CMIP: variants seen among roughly 807,000 people sequenced by gnomAD.
CMIP encodes C-Maf-inducing protein.
In CMIP, 13 loss-of-function variants were observed where a neutral mutation model predicts 97.3. The observed-to-expected ratio is 0.13, with a 90% CI of 0.09 to 0.21. The LOEUF is 0.21. CMIP is among the 10% of genes least tolerant of loss of function. CMIP has a pLI of 1.00. For synonymous variants in CMIP, 538 were observed against 436.3 expected, an observed-to-expected ratio of 1.23 and a Z score of -2.91; for missense variants, 847 against 1,024.9, an observed-to-expected ratio of 0.83 and a Z score of 2.37.
intron 3 of CMIP, among the ~76,000 whole-genome samples, chr16:81,635,631 C>T (rs2092224177): frequency 6.6e-6 from 1 of 152,210 alleles, no homozygotes; most frequent in African/African-American, 2.4e-5. Flanking sequence ...TGAAAGTCTG[C>T]TGCCAGACAA....
chr16:81,602,241 T>C (rs188000577), intron 1 of CMIP, among the ~76,000 whole-genome samples: 1 of 151,544 alleles, frequency 6.6e-6, no homozygotes, highest in Admixed American at 6.6e-5. Flanking sequence ...CTATGTGCGA[T>C]AATGTGGGGA....
rs1263755011 is a variant in CMIP at position 81,678,587 on chromosome 16, C to T, written c.1347C>T (p.Ala449=). The change falls in exon 10 of 21, where the codon GCC becomes GCT. Residue 449 remains alanine (A), a synonymous_variant. Coordinates refer to ENST00000537098, the MANE Select transcript of CMIP (RefSeq NM_198390.3). ...TGAGCATCGAGCTGGGCCCCCAGGC[C>T]GACCGCACGCTCGGCTGCTACGTGG... ...STMSIELGPQ[A]DRTLGCYVEI... is the part of the protein sequence containing the mutation. 6 of 1,602,380 alleles carry T rather than the reference C, an allele frequency of 3.7e-6. No individual in the cohort carries two copies. The highest frequency in any genetic ancestry group is 1.7e-4 in the Middle Eastern group (1 of 6,012).
intron 1 of CMIP, among the ~76,000 whole-genome samples, chr16:81,571,717 G>T (rs2091093118): frequency 6.6e-6 from 1 of 152,140 alleles, no homozygotes; most frequent in Non-Finnish European, 1.5e-5. Flanking sequence ...GTAGGACATG[G>T]CTTAGTGAGC....
Position 81,705,508 on chromosome 16 carries a change from G to T in CMIP, c.2101G>T (p.Ala701Ser), listed in dbSNP as rs1345818630. The change falls in exon 19 of 21, where the codon GCT (alanine) becomes TCT (serine). Residue 701 changes from alanine to serine, a missense_variant. By Grantham distance (99) the Ala-to-Ser change is moderately conservative (BLOSUM62 1). This residue lies in a region of CMIP where 266 missense variants were observed against 384.2 expected (regional missense o/e 0.69). Coordinates refer to ENST00000537098, the MANE Select transcript of CMIP (RefSeq NM_198390.3). ...TTTCTGTGCTCTACAGTTTGGAGACGCTGGCCTTCGGCTCCTGTCGGAACA... is the reference window on the plus strand; with the variant it reads ...TTTCTGTGCTCTACAGTTTGGAGACTCTGGCCTTCGGCTCCTGTCGGAACA... The part of the protein sequence containing the change: ...LNLWSTQFGD[A>S]GLRLLSEHLT... 6.2e-7 allele frequency: 1 copy of T among 1,602,768 alleles called. No individual in the cohort carries two copies. Among genetic ancestry groups the T allele is most frequent in the Non-Finnish European group, 8.5e-7 (1 of 1,175,120 alleles).
At chr16:81,607,918 G>T (rs1168560818) in intron 2 of CMIP, among the ~76,000 whole-genome samples, 3 of 152,172 alleles carry the variant, frequency 2.0e-5, no homozygotes, top group African/African-American at 7.2e-5. Flanking sequence ...TGCAGTCTAG[G>T]AACTTTTCAG....
At chr16:81,686,462 G>A (rs149786092) in intron 10 of CMIP, among the ~76,000 whole-genome samples, 27 of 152,330 alleles carry the variant, frequency 1.8e-4, no homozygotes, top group Non-Finnish European at 3.1e-4. Context: ...CCTCCCAGGC[G>A]TGGAGTTCAG....
chr16:81,704,226 C>G, intron 18 of CMIP, 141 bp downstream of exon 18: 1 of 558,760 alleles, frequency 1.8e-6, no homozygotes, highest in Admixed American at 2.8e-5. Context: ...CCTCCCCCTC[C>G]TCCCTGCCCC....
At chr16:81,600,723 A>C (rs1434332032) in intron 1 of CMIP, among the ~76,000 whole-genome samples, 1 of 152,162 alleles carries the variant, frequency 6.6e-6, no homozygotes, top group Non-Finnish European at 1.5e-5. Context: ...TTAAGTGATT[A>C]ATGGTTAGTT....
intron 3 of CMIP, among the ~76,000 whole-genome samples, chr16:81,649,077 C>G (rs561071825): frequency 3.3e-5 from 5 of 152,322 alleles, no homozygotes; most frequent in Admixed American, 3.3e-4. Context: ...TCCCTTGTCT[C>G]AGGGTCCTCC....
chr16:81,629,967 A>AGGG (rs1197097953), intron 3 of CMIP, among the ~76,000 whole-genome samples: 3 of 152,202 alleles, frequency 2.0e-5, no homozygotes, highest in African/African-American at 7.2e-5. Flanking sequence ...GCCAGAGAGG[A>AGGG]GGGGTATTTT....
intron 10 of CMIP, among the ~76,000 whole-genome samples, chr16:81,688,467 T>A (rs1905671745): frequency 6.6e-6 from 1 of 152,238 alleles, no homozygotes; most frequent in Non-Finnish European, 1.5e-5. Context: ...CACAGCTGTG[T>A]GACCTTAAAC....
chr16:81,494,004 C>A (rs1048406885), intron 1 of CMIP, among the ~76,000 whole-genome samples: 5 of 152,134 alleles, frequency 3.3e-5, no homozygotes, highest in Non-Finnish European at 7.4e-5. Context: ...ATTAAAAAAA[C>A]AACCAGTGTG....
At chr16:81,529,578 C>T (rs564270860) in intron 1 of CMIP, among the ~76,000 whole-genome samples, 22 of 152,242 alleles carry the variant, frequency 1.4e-4, no homozygotes, top group Non-Finnish European at 1.2e-4. Context: ...AAGAGGATTC[C>T]GCAGAGGAGA....
intron 1 of CMIP, among the ~76,000 whole-genome samples, chr16:81,560,424 T>C (rs879181182): frequency 2.6e-5 from 4 of 152,226 alleles, no homozygotes; most frequent in South Asian, 4.1e-4. Context: ...TTCACCGTGT[T>C]AGCCAGGATG....
intron 1 of CMIP, among the ~76,000 whole-genome samples, chr16:81,562,244 C>G (rs1411119606): frequency 6.6e-6 from 1 of 152,186 alleles, no homozygotes; most frequent in Non-Finnish European, 1.5e-5. Flanking sequence ...ACCCTCAGCC[C>G]CCATTGTGCA....
intron 3 of CMIP, among the ~76,000 whole-genome samples, chr16:81,638,247 C>G (rs1424981635): frequency 1.3e-5 from 2 of 152,164 alleles, no homozygotes; most frequent in African/African-American, 4.8e-5. Flanking sequence ...CTCAAGATCC[C>G]AAACGTGGGA....
chr16:81,656,378 A>G (rs753740462), intron 4 of CMIP, among the ~76,000 whole-genome samples: 5 of 152,370 alleles, frequency 3.3e-5, no homozygotes, highest in Middle Eastern at 3.4e-3. Flanking sequence ...GATCTTGCCA[A>G]CACTGTTCAA....
At chr16:81,445,813 C>G (rs1905797687) in intron 1 of CMIP, among the ~76,000 whole-genome samples, 1 of 152,052 alleles carries the variant, frequency 6.6e-6, no homozygotes, top group East Asian at 1.9e-4. Context: ...TGGGGACCTT[C>G]TGCCCCCAGC....
At chr16:81,502,722 A>G (rs1313693805) in intron 1 of CMIP, among the ~76,000 whole-genome samples, 5 of 152,248 alleles carry the variant, frequency 3.3e-5, no homozygotes, top group African/African-American at 1.2e-4. Context: ...TTGGCAAATT[A>G]TGACAATATG....
Sources: allele counts gnomAD v4.1 joint callset (sites outside exome capture counted in the v4.1 genomes callset), GRCh38; gene constraint gnomAD v4.1.1; regional missense constraint gnomAD v4.1.1; transcripts MANE v1.5; gene names NCBI Gene and HGNC (gene_info 2026-07-23, HGNC 2026-07-21).